Variants in DENND4B observed in about 807,000 individuals in gnomAD.
The protein encoded by DENND4B is DENN domain-containing protein 4B.
Under a neutral mutation model 161.0 loss-of-function variants are expected in DENND4B, and 67 were observed. The observed-to-expected ratio is 0.42, with a 90% CI of 0.34 to 0.51. The LOEUF (loss-of-function observed/expected upper bound fraction) is 0.51, where lower values mean the gene tolerates loss of function less well. DENND4B is among the 20% of genes least tolerant of loss of function. The pLI, the probability that DENND4B is intolerant of heterozygous loss-of-function variation, is 0.08. For missense variants in DENND4B, 1,481 were observed against 1,968.0 expected, an observed-to-expected ratio of 0.75 and a Z score of 4.68; for synonymous variants, 753 against 813.8, an observed-to-expected ratio of 0.93 and a Z score of 1.27.
chr1:153,941,827 C>G (rs1303037014), intron 6 of DENND4B, 42 bp downstream of exon 6: 1 of 1,592,816 alleles, frequency 6.3e-7, no homozygotes, highest in Non-Finnish European at 8.5e-7. Context: ...GCCCCCTTAT[C>G]CCTTCCTAAC....
At chr1:153,943,702 T>A (rs868388364) in intron 2 of DENND4B, among the ~76,000 whole-genome samples, 466 of 90,700 alleles carry the variant, frequency 5.1e-3, no homozygotes, top group Non-Finnish European at 6.2e-3. Context: ...AAAAAAAAAA[T>A]AGTTATACAA....
At chr1:153,931,211 A>G (rs1678905424) in intron 24 of DENND4B, 147 bp from the exon 25 acceptor site, 1 of 687,308 alleles carries the variant, frequency 1.5e-6, no homozygotes, top group African/African-American at 1.8e-5. Flanking sequence ...CCCCCACAAG[A>G]ATGTAAGCTC....
rs1261408787 is a variant in DENND4B at position 153,946,025 on chromosome 1, C to T, written c.-24+276G>A. The stretch of plus-strand genomic sequence containing the variant: ...GGCGCGCCGGCGGCCGAGGACGTGA[C>T]GGCAGCAGCGCCGGCCGCCGCGTGA... On this transcript the variant is annotated intron_variant, in intron 1 of 27. Coordinates refer to ENST00000361217, the MANE Select transcript of DENND4B (RefSeq NM_014856.3). This position sits in a 1 kb window ranked among gnomAD's most constrained non-coding sequence, Gnocchi z 6.3. Among the ~76,000 whole-genome samples, 2 of 151,996 alleles carry T rather than the reference C, an allele frequency of 1.3e-5. No individual in the cohort carries two copies. Among genetic ancestry groups the T allele is most frequent in the African/African-American group, 4.8e-5 (2 of 41,388 alleles).
At position 153,932,468 on chromosome 1, in the gene DENND4B, A is replaced by G; in HGVS notation, c.3760-28T>C. ...ATCAGGCACAAAGGGGGAGGGCAGTAGAGGGCATGTACATCCCCAGAGCCT... is the reference window on the plus strand; with the variant it reads ...ATCAGGCACAAAGGGGGAGGGCAGTGGAGGGCATGTACATCCCCAGAGCCT... On this transcript the variant is annotated intron_variant, in intron 23 of 27. Transcript: ENST00000361217. This position sits in a 1 kb window ranked among gnomAD's most constrained non-coding sequence, Gnocchi z 5.8. 8.8e-6 allele frequency: 14 copies of G among 1,583,486 alleles called. No homozygotes were observed. The highest frequency in any genetic ancestry group is 1.2e-5 in the Non-Finnish European group (14 of 1,164,432).
chr1:153,944,968 A>G lies in DENND4B; in HGVS notation c.-23-571T>C, dbSNP rs999683584. Among the ~76,000 whole-genome samples the G allele has an allele frequency of 1.3e-5, 2 of 152,144 alleles. No homozygotes were observed. The highest frequency in any genetic ancestry group is 4.8e-5 in the African/African-American group (2 of 41,410). ...AACGAACCCAAGTGTCCTTTCTCCT[A>G]GCTTAACTCCACCAATCTGGCCCAA... On this transcript the variant is annotated intron_variant, in intron 1 of 27. Transcript: ENST00000361217. This position sits in a 1 kb window ranked among gnomAD's most constrained non-coding sequence, Gnocchi z 4.8.
In DENND4B at chr1:153,944,853, A is replaced by G. The variant is rs1679876472; in HGVS notation, c.-23-456T>C. On this transcript the variant is annotated intron_variant, in intron 1 of 27. Coordinates refer to ENST00000361217, the MANE Select transcript of DENND4B (RefSeq NM_014856.3). This position sits in a 1 kb window ranked among gnomAD's most constrained non-coding sequence, Gnocchi z 4.8. The stretch of plus-strand genomic sequence containing the variant: ...CCATAAGAACCTTGTGATCCTGCCA[A>G]TGTTCTTAAAGAGCCCACTCCTAGG... Among the ~76,000 whole-genome samples the G allele has an allele frequency of 1.3e-5, 2 of 152,086 alleles. No individual in the cohort carries two copies. The highest frequency in any genetic ancestry group is 4.8e-5 in the African/African-American group (2 of 41,408).
intron 12 of DENND4B, 101 bp downstream of exon 12, chr1:153,939,488 C>CA: frequency 7.6e-7 from 1 of 1,320,756 alleles, no homozygotes. Context: ...AAGGAATAAA[C>CA]AATGGAGTGG....
chr1:153,930,084 C>G lies in DENND4B; in HGVS notation c.*213G>C. On this transcript the variant is annotated 3_prime_UTR_variant, in exon 28 of 28. Transcript: ENST00000361217. This position sits in a 1 kb window ranked among gnomAD's most constrained non-coding sequence, Gnocchi z 4.7. Reference sequence around the variant, plus strand: ...ACTCCCCCCAGATCTCCCCCAACATCAGCACGAACAAACTGGGTAGGTTGG... The same window carrying G: ...ACTCCCCCCAGATCTCCCCCAACATGAGCACGAACAAACTGGGTAGGTTGG... The G allele has an allele frequency of 1.5e-6, 1 of 650,496 alleles. No individual in the cohort carries two copies. The allele number at this position is 650,496 out of a possible 1,614,324, so 40.3% of individuals were successfully genotyped here.
intron 24 of DENND4B, among the ~76,000 whole-genome samples, chr1:153,931,659 G>A (rs1484630297): frequency 2.6e-5 from 4 of 151,532 alleles, no homozygotes; most frequent in East Asian, 3.9e-4. Flanking sequence ...CACCATGCCC[G>A]GCAAATTTTT....
At position 153,934,889 on chromosome 1, in the gene DENND4B, G is replaced by C. The variant is rs1571040010; in HGVS notation, c.2644C>G (p.Leu882Val). 6.2e-7 allele frequency: 1 copy of C among 1,613,654 alleles called. No homozygotes were observed. Among genetic ancestry groups the C allele is most frequent in the Non-Finnish European group, 8.5e-7 (1 of 1,179,884 alleles). Residue 882 changes from leucine to valine, a missense_variant, in exon 18 of 28, where the codon CTG becomes GTG. Physicochemically the swap from Leu to Val is conservative, Grantham distance 32. This residue lies in a region of DENND4B where 339 missense variants were observed against 330.3 expected (regional missense o/e 1.03). Transcript: ENST00000361217. The surrounding 1 kb of genome is among the most constrained non-coding windows in gnomAD (Gnocchi z 5.3). The stretch of plus-strand genomic sequence containing the variant: ...GGCTGGCGGAACTGAGCAGCCCCCA[G>C]GACAACATTCCGGAGCTTGGCCCAG... ...LRWAKLRNVV[L>V]GAAQFRQPLR...
chr1:153,934,177 C>A lies in DENND4B; in HGVS notation c.2899G>T (p.Ala967Ser). ...RLVKSGSLGSARGAQPTVEAG... is the reference protein window; with the variant it reads ...RLVKSGSLGSSRGAQPTVEAG... ...TCCACAGTGGGCTGTGCCCCTCGGG[C>A]ACTGCCCAGGCTACCACTCTTCACC... is the stretch of plus-strand genomic sequence containing the variant. Residue 967 changes from alanine (A) to serine (S), a missense_variant, in exon 19 of 28, where the codon GCC becomes TCC. Ala to Ser is a moderately conservative substitution (Grantham distance 99). Coordinates refer to ENST00000361217, the MANE Select transcript of DENND4B (RefSeq NM_014856.3). The surrounding 1 kb of genome is among the most constrained non-coding windows in gnomAD (Gnocchi z 5.3). 6.3e-7 allele frequency: 1 copy of A among 1,594,778 alleles called. No homozygotes were observed. The highest frequency in any genetic ancestry group is 8.5e-7 in the Non-Finnish European group (1 of 1,174,554).
Position 153,944,299 on chromosome 1 carries a change from G to A in DENND4B, c.76C>T (p.Pro26Ser). The part of the protein sequence containing the change: ...AGLAGNGAPI[P>S]EETWVPEPSG... ...GGTTCAGGAACCCACGTTTCCTCAG[G>A]GATGGGTGCTCCGTTCCCTGCAAGC... is the stretch of plus-strand genomic sequence containing the variant. Residue 26 changes from proline (P) to serine (S), a missense_variant, in exon 2 of 28, where the codon CCT becomes TCT. By Grantham distance (74) the Pro-to-Ser change is moderately conservative. Transcript: ENST00000361217. This position sits in a 1 kb window ranked among gnomAD's most constrained non-coding sequence, Gnocchi z 4.8. 1.9e-6 allele frequency: 3 copies of A among 1,606,388 alleles called. No homozygotes were observed. Among genetic ancestry groups the A allele is most frequent in the Non-Finnish European group, 2.6e-6 (3 of 1,175,750 alleles).
intron 8 of DENND4B, 28 bp downstream of exon 8, chr1:153,941,203 C>G: frequency 6.2e-7 from 1 of 1,612,654 alleles, no homozygotes; most frequent in Non-Finnish European, 8.5e-7. Context: ...GTCATTAAAG[C>G]TCCCCTCCCC....
Position 153,942,295 on chromosome 1 carries a change from G to A in DENND4B, c.702C>T (p.Pro234=), listed in dbSNP as rs779299720. The A allele has an allele frequency of 2.1e-5, 34 of 1,613,652 alleles. No individual in the cohort carries two copies. The highest frequency in any genetic ancestry group is 1.6e-4 in the South Asian group (15 of 91,080). Residue 234 remains proline, a synonymous_variant, in exon 5 of 28, where the codon CCC becomes CCT. Transcript: ENST00000361217. The surrounding 1 kb of genome is among the most constrained non-coding windows in gnomAD (Gnocchi z 6.9). ...TGGCCCCCATGGGCAGGCAGAAGAC[G>A]GGCACTGACTCGGGCAGCGGGAACG... ...NEAFPLPESV[P]VFCLPMGATI... is the part of the protein sequence containing the mutation.
chr1:153,933,304 C>T lies in DENND4B; in HGVS notation c.3346G>A (p.Gly1116Ser). The change falls in exon 21 of 28, where the codon GGC becomes AGC. Residue 1116 changes from glycine (G) to serine (S), a missense_variant. Coordinates refer to ENST00000361217, the MANE Select transcript of DENND4B (RefSeq NM_014856.3). This position sits in a 1 kb window ranked among gnomAD's most constrained non-coding sequence, Gnocchi z 5.7. The part of the protein sequence containing the change: ...STASESSASL[G>S]SEWDLSESSL... ...GATTCTGAGAGGTCCCACTCACTGC[C>T]CAGAGAGGCTGAGCTCTACCATGAC... is the stretch of plus-strand genomic sequence containing the variant. 1 of 1,613,364 alleles carries T rather than the reference C, an allele frequency of 6.2e-7. No homozygotes were observed. The highest frequency in any genetic ancestry group is 8.5e-7 in the Non-Finnish European group (1 of 1,179,622).
At chr1:153,941,180 T>C in intron 8 of DENND4B, 51 bp downstream of exon 8, 1 of 1,607,440 alleles carries the variant, frequency 6.2e-7, no homozygotes, top group Non-Finnish European at 8.5e-7. Flanking sequence ...GCCCAGCACC[T>C]ACCATGTCCT....
In DENND4B at chr1:153,936,877, C is replaced by T. The variant is rs2102037158; in HGVS notation, c.2233-129G>A. 2 of 925,054 alleles carry T rather than the reference C, an allele frequency of 2.2e-6. No homozygotes were observed. The highest frequency in any genetic ancestry group is 3.1e-6 in the Non-Finnish European group (2 of 644,896). 57.3% of individuals were successfully genotyped at this position (925,054 alleles called of 1,614,324 possible). The stretch of plus-strand genomic sequence containing the variant: ...GGAGTGCAGTGGCGCAATCTTGGCT[C>T]ACTGCAGACTCGGCCTCCTGGGCTC... On this transcript the variant is annotated intron_variant, in intron 15 of 27. Transcript: ENST00000361217. This position sits in a 1 kb window ranked among gnomAD's most constrained non-coding sequence, Gnocchi z 4.1.
At chr1:153,935,123 G>C in intron 17 of DENND4B, 159 bp from the exon 18 acceptor site, 1 of 1,410,288 alleles carries the variant, frequency 7.1e-7, no homozygotes, top group Non-Finnish European at 9.3e-7. Context: ...GAGCCCAGAA[G>C]AGACAGTAGG....
chr1:153,930,387 G>A lies in DENND4B; in HGVS notation c.4401C>T (p.Gly1467=), dbSNP rs769616960. The A allele has an allele frequency of 5.0e-6, 8 of 1,613,852 alleles. No individual in the cohort carries two copies. The African/African-American group carries it at 9.3e-5, about 19-fold the overall frequency. ...CCCGCCGGTGCCTCAGCTCCTCCTT[G>A]CCCATGCTGCTGGCCAGCTTGTTAA... The part of the protein sequence containing the change: ...SAFNKLASSM[G]KEELRHRRAQ... The change falls in exon 28 of 28, where the codon GGC becomes GGT. Residue 1467 remains glycine, a synonymous_variant. Transcript: ENST00000361217. This position sits in a 1 kb window ranked among gnomAD's most constrained non-coding sequence, Gnocchi z 4.7.
Sources: gnomAD v4.1 joint callset for allele counts (sites outside exome capture counted in the v4.1 genomes callset) on GRCh38, gnomAD v4.1.1 for gene constraint, gnomAD v4.1.1 regional missense constraint, Gnocchi (gnomAD v3.1) non-coding constraint, MANE v1.5 for transcripts, NCBI Gene and HGNC (gene_info 2026-07-23, HGNC 2026-07-21) for gene names.